Variants in ILDR2 observed in about 807,000 individuals in gnomAD.
The protein encoded by ILDR2 is immunoglobulin-like domain-containing receptor 2.
Under a neutral mutation model 66.8 loss-of-function variants are expected in ILDR2, and 25 were observed. The ratio of observed to expected loss-of-function variants is 0.37; its 90% CI spans 0.27 to 0.52. The LOEUF (loss-of-function observed/expected upper bound fraction) is 0.52, where lower values mean the gene tolerates loss of function less well. Ranked by LOEUF, ILDR2 falls within the 20% of genes least tolerant of loss-of-function variation. The pLI, the probability that ILDR2 is intolerant of heterozygous loss-of-function variation, is 0.88. For synonymous variants in ILDR2, 367 were observed against 357.2 expected, an observed-to-expected ratio of 1.03 and a Z score of -0.31; for missense variants, 827 against 876.8, an observed-to-expected ratio of 0.94 and a Z score of 0.72.
At chr1:166,923,121 T>C (rs1046755363) in intron 7 of ILDR2, among the ~76,000 whole-genome samples, 2 of 152,226 alleles carry the variant, frequency 1.3e-5, no homozygotes, top group Non-Finnish European at 1.5e-5. Context: ...GCTGGCCTCC[T>C]CCTAGTACAT....
intron 7 of ILDR2, among the ~76,000 whole-genome samples, chr1:166,923,598 G>A (rs534145570): frequency 1.3e-5 from 2 of 152,190 alleles, no homozygotes; most frequent in Non-Finnish European, 2.9e-5. Context: ...AGGGTGTGCT[G>A]TACTTATACC....
chr1:166,935,125 T>C (rs1660868271), intron 6 of ILDR2, among the ~76,000 whole-genome samples, 176 bp downstream of exon 6: 1 of 152,192 alleles, frequency 6.6e-6, no homozygotes, highest in African/African-American at 2.4e-5. Flanking sequence ...CCTGCAGCCT[T>C]TGGAAAGCAT....
At chr1:166,961,935 C>A (rs947660199) in intron 1 of ILDR2, among the ~76,000 whole-genome samples, 1 of 152,070 alleles carries the variant, frequency 6.6e-6, no homozygotes, top group Non-Finnish European at 1.5e-5. Flanking sequence ...AGAGAGTAAC[C>A]CTGCACGTGT....
chr1:166,974,489 G>GA (rs1398150335), intron 1 of ILDR2, among the ~76,000 whole-genome samples: 4 of 152,224 alleles, frequency 2.6e-5, no homozygotes, highest in African/African-American at 4.8e-5. Flanking sequence ...CTAGACCAGT[G>GA]ACTTTGATGC....
chr1:166,943,175 G>T (rs1661409044), intron 3 of ILDR2, among the ~76,000 whole-genome samples: 1 of 152,170 alleles, frequency 6.6e-6, no homozygotes, highest in Admixed American at 6.5e-5. Flanking sequence ...AATATATCAT[G>T]TCAACAGCAG....
chr1:166,898,899 A>T (rs1476200656), intron 2 of ILDR2, among the ~76,000 whole-genome samples: 1 of 151,930 alleles, frequency 6.6e-6, no homozygotes, highest in East Asian at 1.9e-4. Flanking sequence ...ATCTTAAAAA[A>T]AAAAAAAGAA....
chr1:166,947,188 C>T (rs1249086013), intron 3 of ILDR2, among the ~76,000 whole-genome samples: 2 of 152,162 alleles, frequency 1.3e-5, no homozygotes, highest in East Asian at 1.9e-4. Flanking sequence ...TTTAAAATGC[C>T]GTGGAGGAGC....
chr1:166,953,491 T>C (rs1211054195), intron 3 of ILDR2, among the ~76,000 whole-genome samples: 1 of 152,218 alleles, frequency 6.6e-6, no homozygotes, highest in Non-Finnish European at 1.5e-5. Context: ...CAACCTGTTT[T>C]CTGCTCCCCA....
chr1:166,924,177 C>A (rs1434368707), intron 7 of ILDR2, among the ~76,000 whole-genome samples: 3 of 152,170 alleles, frequency 2.0e-5, no homozygotes, highest in Non-Finnish European at 2.9e-5. Flanking sequence ...TAATTTTTAA[C>A]CTTTTCTTCC....
intron 1 of ILDR2, among the ~76,000 whole-genome samples, chr1:166,961,085 T>G (rs900331916): frequency 1.3e-5 from 2 of 152,180 alleles, no homozygotes; most frequent in Non-Finnish European, 2.9e-5. Context: ...GAAATCACAT[T>G]TCTTAGCCTT....
At position 166,927,135 on chromosome 1, in the gene ILDR2, A is replaced by G. The variant is rs111564288; in HGVS notation, c.926T>C (p.Met309Thr). The change falls in exon 7 of 10, where the codon ATG (methionine) becomes ACG (threonine). Residue 309 changes from methionine to threonine, a missense_variant. Coordinates refer to ENST00000271417, the MANE Select transcript of ILDR2 (RefSeq NM_199351.3). Reference sequence around the variant, plus strand: ...CTTCTCAACATAGTACAGGACCTTCATGGAGTCTCTCTCTTTGTCAGCCTG... The same window carrying G: ...CTTCTCAACATAGTACAGGACCTTCGTGGAGTCTCTCTCTTTGTCAGCCTG... Reference protein sequence around the residue: ...RIQADKERDSMKVLYYVEKEL... With the variant: ...RIQADKERDSTKVLYYVEKEL... 1.2e-6 allele frequency: 2 copies of G among 1,613,806 alleles called. No homozygotes were observed. Among genetic ancestry groups the G allele is most frequent in the African/African-American group, 1.3e-5 (1 of 75,020 alleles).
Position 166,921,400 on chromosome 1 carries a change from G to A in ILDR2, c.1212-21C>T. On this transcript the variant is annotated intron_variant, in intron 8 of 9. Coordinates refer to ENST00000271417, the MANE Select transcript of ILDR2 (RefSeq NM_199351.3). This position sits in a 1 kb window ranked among gnomAD's most constrained non-coding sequence, Gnocchi z 5.3. ...GCTGGCTGCGGGCAGAGAAGGAGGGGGTCAGACGGCCGGTCCCTCCCTGGA... is the reference window on the plus strand; with the variant it reads ...GCTGGCTGCGGGCAGAGAAGGAGGGAGTCAGACGGCCGGTCCCTCCCTGGA... The A allele has an allele frequency of 3.9e-6, 6 of 1,529,958 alleles. No homozygotes were observed. Among genetic ancestry groups the A allele is most frequent in the Non-Finnish European group, 5.3e-6 (6 of 1,136,494 alleles). 94.8% of individuals were successfully genotyped at this position (1,529,958 alleles called of 1,614,324 possible). A position where few individuals can be genotyped will look rare whatever the true frequency, so the allele number is the denominator to read the frequency against.
At chr1:166,930,897 C>T (rs531822670) in intron 6 of ILDR2, among the ~76,000 whole-genome samples, 3 of 152,130 alleles carry the variant, frequency 2.0e-5, no homozygotes, top group African/African-American at 4.8e-5. Context: ...CTCTCTGGGA[C>T]GTATGGTGAT....
Position 166,975,350 on chromosome 1 carries a change from AGCGGGCGGCG to A in ILDR2, c.-92_-83del. The A allele has an allele frequency of 7.7e-7, 1 of 1,300,526 alleles. No individual in the cohort carries two copies. The highest frequency in any genetic ancestry group is 1.0e-6 in the Non-Finnish European group (1 of 953,928). The allele number at this position is 1,300,526 out of a possible 1,614,324, so 80.6% of individuals were successfully genotyped here. ...AGAAGGATCGCTGTCACCCCGCGGC[AGCGGGCGGCG>A]GCGGAGCGGCGGGCACCGGGCGTCC... On this transcript the variant is annotated 5_prime_UTR_variant, in exon 1 of 10. An upstream open reading frame in the 5' UTR loses its in-frame stop. Coordinates refer to ENST00000271417, the MANE Select transcript of ILDR2 (RefSeq NM_199351.3).
Position 166,936,860 on chromosome 1 carries a change from T to C in ILDR2, c.557-123A>G. ...AGGGACCTAGGGAAGAAAGCTTCTC[T>C]TAACAGGAGACAGAGCCCCAACACT... On this transcript the variant is annotated intron_variant, in intron 4 of 9. Coordinates refer to ENST00000271417, the MANE Select transcript of ILDR2 (RefSeq NM_199351.3). This position sits in a 1 kb window ranked among gnomAD's most constrained non-coding sequence, Gnocchi z 5.0. The C allele has an allele frequency of 1.1e-6, 1 of 906,278 alleles. No homozygotes were observed. Among genetic ancestry groups the C allele is most frequent in the Non-Finnish European group, 1.7e-6 (1 of 581,980 alleles). 56.1% of individuals were successfully genotyped at this position (906,278 alleles called of 1,614,324 possible). A position where few individuals can be genotyped will look rare whatever the true frequency, so the allele number is the denominator to read the frequency against.
At chr1:166,957,745 G>T (rs1034022934) in intron 2 of ILDR2, 24 bp downstream of exon 2, 1 of 1,572,800 alleles carries the variant, frequency 6.4e-7, no homozygotes, top group African/African-American at 1.3e-5. Flanking sequence ...CCATTTCCTA[G>T]ATTCAAAATA....
intron 1 of ILDR2, among the ~76,000 whole-genome samples, chr1:166,965,877 C>T (rs1464045019): frequency 6.6e-6 from 1 of 151,914 alleles, no homozygotes. Flanking sequence ...TTTTTAGGAA[C>T]AACCAATGGG....
chr1:166,918,723 T>C lies in ILDR2; in HGVS notation c.*632A>G, dbSNP rs1212390453. 3 of 152,964 alleles carry C rather than the reference T, an allele frequency of 2.0e-5. No individual in the cohort carries two copies. The highest frequency in any genetic ancestry group is 4.4e-5 in the Non-Finnish European group (3 of 68,322). The allele number at this position is 152,964 out of a possible 1,614,324, so 9.5% of individuals were successfully genotyped here. A position where few individuals can be genotyped will look rare whatever the true frequency, so the allele number is the denominator to read the frequency against. ...CAAAAAGGTATACTCGCTTTTGCTT[T>C]GTCCTAGCCACTTAAGAATTGTCAT... On this transcript the variant is annotated 3_prime_UTR_variant, in exon 10 of 10. Transcript: ENST00000271417.
At chr1:166,899,075 T>TATG (rs1659217896) in intron 2 of ILDR2, among the ~76,000 whole-genome samples, 1 of 149,962 alleles carries the variant, frequency 6.7e-6, no homozygotes, top group South Asian at 2.1e-4. Flanking sequence ...AGCCAATAAT[T>TATG]ATGATAATAA....
Sources: allele counts gnomAD v4.1 joint callset (sites outside exome capture counted in the v4.1 genomes callset), GRCh38; gene constraint gnomAD v4.1.1; non-coding constraint Gnocchi (gnomAD v3.1); transcripts MANE v1.5; gene names NCBI Gene and HGNC (gene_info 2026-07-23, HGNC 2026-07-21).